Variants in SNX14 observed in about 807,000 individuals in gnomAD.
SNX14 encodes sorting nexin-14.
In SNX14, 93 loss-of-function variants were observed where a neutral mutation model predicts 133.8. The ratio of observed to expected loss-of-function variants is 0.70; its 90% confidence interval spans 0.59 to 0.83. The LOEUF (loss-of-function observed/expected upper bound fraction) is 0.83. Among genes scored for constraint, SNX14 ranks in the 40% least tolerant of loss-of-function variants. SNX14 has a pLI of 0.00. For synonymous variants in SNX14, 368 were observed against 365.6 expected, an observed-to-expected ratio of 1.01 and a Z score of -0.07; for missense variants, 945 against 1,094.9, an observed-to-expected ratio of 0.86 and a Z score of 1.93.
chr6:85,560,631 G>A (rs1462920852), intron 6 of SNX14, among the ~76,000 whole-genome samples: 3 of 152,084 alleles, frequency 2.0e-5, no homozygotes. Flanking sequence ...GAATTACATG[G>A]TATGTAAATT....
chr6:85,568,015 T>C (rs560406586), intron 4 of SNX14: 3 of 152,366 alleles, frequency 2.0e-5, no homozygotes, highest in Admixed American at 2.0e-4. Flanking sequence ...GACAGTAATA[T>C]AATACTTTCA....
In SNX14 at chr6:85,514,532, CCTTCTACAGTCAT is replaced by C; in HGVS notation, c.2353_2365del (p.Met785GlufsTer6). 1 of 1,613,486 alleles carries C rather than the reference CCTTCTACAGTCAT, an allele frequency of 6.2e-7. No individual in the cohort carries two copies. The highest frequency in any genetic ancestry group is 8.5e-7 in the Non-Finnish European group (1 of 1,179,742). On this transcript the variant is annotated frameshift_variant, in exon 24 of 29. Transcript: ENST00000314673. LOFTEE classifies it high-confidence loss of function. ...TACATACATCAGGTAATCATAGACT[CCTTCTACAGTCAT>C]CACCTCCATAAAATAATTCTGATTT...
chr6:85,518,102 G>C, intron 21 of SNX14, 54 bp from the exon 22 acceptor site: 1 of 1,395,386 alleles, frequency 7.2e-7, no homozygotes, highest in Non-Finnish European at 1.0e-6. Context: ...CTTCATAATT[G>C]CTCACATGAA....
intron 6 of SNX14, among the ~76,000 whole-genome samples, chr6:85,564,102 C>T (rs1487021814): frequency 6.6e-6 from 1 of 152,186 alleles, no homozygotes; most frequent in Admixed American, 6.5e-5. Flanking sequence ...GACATGAACT[C>T]ATCCTTTTTT....
chr6:85,525,018 T>C (rs988615642), intron 21 of SNX14, among the ~76,000 whole-genome samples: 1 of 152,208 alleles, frequency 6.6e-6, no homozygotes, highest in African/African-American at 2.4e-5. Context: ...TCTGGATTTC[T>C]GCTGAACTTG....
At chr6:85,536,517 C>T (rs959093702) in intron 17 of SNX14, among the ~76,000 whole-genome samples, 14 of 152,132 alleles carry the variant, frequency 9.2e-5, no homozygotes, top group Admixed American at 8.5e-4. Flanking sequence ...AACTGCTTGA[C>T]TATTAGAAGT....
intron 1 of SNX14, chr6:85,588,828 T>C (rs182156878): frequency 2.0e-5 from 9 of 453,692 alleles, no homozygotes; most frequent in Middle Eastern, 6.8e-4. Flanking sequence ...CAACATGCTA[T>C]TAAGAATATC....
rs535408665 is a variant in SNX14, at chr6:85,526,275, A to C, written c.1996-38T>G. ...AAAAAAACGGAAAACACAGTTTAGA[A>C]ATCTAGAGGAGTAGTCAAAACTGTA... On this transcript the variant is annotated intron_variant, in intron 20 of 28. Transcript: ENST00000314673. 8 of 1,276,202 alleles carry C rather than the reference A, an allele frequency of 6.3e-6. No homozygotes were observed. The African/African-American group carries it at 8.9e-5, about 14-fold the overall frequency. 79.1% of individuals were successfully genotyped at this position (1,276,202 alleles called of 1,614,324 possible).
Position 85,562,831 on chromosome 6 carries a change from A to G in SNX14, c.549+2501T>C, listed in dbSNP as rs953909628. On this transcript the variant is annotated intron_variant, in intron 6 of 28. Coordinates refer to ENST00000314673, the MANE Select transcript of SNX14 (RefSeq NM_153816.6). ...GATCTCGAACTCCCGACCTCCAGTGATCTGCCCATCTCAGCCACCTCAGAT... is the reference window on the plus strand; with the variant it reads ...GATCTCGAACTCCCGACCTCCAGTGGTCTGCCCATCTCAGCCACCTCAGAT... Among the ~76,000 whole-genome samples, 12 of 152,134 alleles carry G rather than the reference A, an allele frequency of 7.9e-5. No homozygotes were observed. The South Asian group carries it at 1.2e-3, about 16-fold the overall frequency.
At chr6:85,569,228 C>T (rs552052452) in intron 4 of SNX14, among the ~76,000 whole-genome samples, 15 of 152,190 alleles carry the variant, frequency 9.9e-5, no homozygotes, top group Non-Finnish European at 2.2e-4. Context: ...TCCCAAAGTG[C>T]TGGGATTACA....
intron 6 of SNX14, among the ~76,000 whole-genome samples, chr6:85,558,844 C>T (rs1790598208): frequency 6.6e-6 from 1 of 151,544 alleles, no homozygotes; most frequent in African/African-American, 2.4e-5. Context: ...CATTCCCCAC[C>T]AAGATTTTTC....
At chr6:85,534,453 C>T (rs1175670295) in intron 17 of SNX14, among the ~76,000 whole-genome samples, 2 of 152,230 alleles carry the variant, frequency 1.3e-5, no homozygotes, top group Non-Finnish European at 2.9e-5. Context: ...TTCTAAATGG[C>T]ATCATCTTAG....
intron 1 of SNX14, among the ~76,000 whole-genome samples, chr6:85,583,728 C>T (rs1193118645): frequency 1.3e-5 from 2 of 152,164 alleles, no homozygotes; most frequent in African/African-American, 4.8e-5. Flanking sequence ...CTACAAACCA[C>T]TGCTCAAGGA....
Position 85,547,621 on chromosome 6 carries a change from G to A in SNX14, c.868-71C>T, listed in dbSNP as rs1351509292. 4.8e-6 allele frequency: 6 copies of A among 1,257,644 alleles called. No homozygotes were observed. The Admixed American group carries it at 1.3e-4, about 28-fold the overall frequency. 77.9% of individuals were successfully genotyped at this position (1,257,644 alleles called of 1,614,324 possible). A position where few individuals can be genotyped will look rare whatever the true frequency, so the allele number is the denominator to read the frequency against. On this transcript the variant is annotated intron_variant, in intron 9 of 28. Coordinates refer to ENST00000314673, the MANE Select transcript of SNX14 (RefSeq NM_153816.6). ...ATTCTCCCCAGAATTCTCATAACTTGTATCATATTATGTAAGTTTCTAGAA... is the reference window on the plus strand; with the variant it reads ...ATTCTCCCCAGAATTCTCATAACTTATATCATATTATGTAAGTTTCTAGAA...
intron 26 of SNX14, 157 bp from the exon 27 acceptor site, chr6:85,508,216 A>G (rs1771418485): frequency 2.3e-6 from 3 of 1,303,710 alleles, no homozygotes; most frequent in South Asian, 2.3e-5. Flanking sequence ...AGGCTCCTGG[A>G]TAAGAGGTTT....
At chr6:85,519,307 C>T (rs568213862) in intron 21 of SNX14, among the ~76,000 whole-genome samples, 11 of 152,174 alleles carry the variant, frequency 7.2e-5, no homozygotes, top group Admixed American at 1.3e-4. Flanking sequence ...TGATTTAGTT[C>T]CATATACATT....
At chr6:85,564,807 G>A (rs55810446) in intron 6 of SNX14, among the ~76,000 whole-genome samples, 14,282 of 151,874 alleles carry the variant, frequency 0.094, 1,127 homozygotes, top group East Asian at 0.23. Flanking sequence ...GGCTAACACG[G>A]TGAAACCCTG....
At chr6:85,519,811 G>A (rs770006643) in intron 21 of SNX14, among the ~76,000 whole-genome samples, 18 of 152,244 alleles carry the variant, frequency 1.2e-4, no homozygotes, top group Non-Finnish European at 2.1e-4. Context: ...GGAGGTTGCA[G>A]TGAACTGAGA....
At chr6:85,586,384 A>T (rs1054879814) in intron 1 of SNX14, among the ~76,000 whole-genome samples, 2 of 152,252 alleles carry the variant, frequency 1.3e-5, no homozygotes, top group African/African-American at 2.4e-5. Context: ...CTTATTCTAG[A>T]TTACAAGACA....
Sources: allele counts gnomAD v4.1 joint callset (sites outside exome capture counted in the v4.1 genomes callset), GRCh38; gene constraint gnomAD v4.1.1; transcripts MANE v1.5; gene names NCBI Gene and HGNC (gene_info 2026-07-23, HGNC 2026-07-21).